GRM7: variants seen among roughly 807,000 people sequenced by gnomAD.
The protein encoded by GRM7 is glutamate metabotropic receptor 7.
GRM7 carries 35 observed loss-of-function variants against 84.5 expected under a neutral mutation model. The ratio of observed to expected loss-of-function variants is 0.41; its 90% CI spans 0.32 to 0.55. GRM7 has a LOEUF of 0.55. Ranked by LOEUF, GRM7 falls within the 20% of genes least tolerant of loss-of-function variation. GRM7 has a pLI of 0.19. For missense variants in GRM7, 1,003 were observed against 1,194.6 expected (o/e 0.84, Z 2.36); for synonymous variants, 487 against 455.1 (o/e 1.07, Z -0.89).
At chr3:7,673,846 A>G (rs553030722) in intron 8 of GRM7, among the ~76,000 whole-genome samples, 3 of 152,348 alleles carry the variant, frequency 2.0e-5, no homozygotes, top group South Asian at 4.1e-4. Context: ...GTTTACAAAC[A>G]TGAACTTTGT....
intron 9 of GRM7, among the ~76,000 whole-genome samples, chr3:7,709,529 T>C (rs1416165677): frequency 6.6e-6 from 1 of 152,082 alleles, no homozygotes; most frequent in Admixed American, 6.5e-5. Context: ...ATACAGAAAG[T>C]GGAGCCTCAG....
intron 9 of GRM7, among the ~76,000 whole-genome samples, chr3:7,724,773 C>T (rs1046929682): frequency 1.3e-5 from 2 of 152,048 alleles, no homozygotes; most frequent in African/African-American, 4.8e-5. Context: ...CTTTTTGTTT[C>T]TTTAGAGACA....
At position 7,072,653 on chromosome 3, in the gene GRM7, C is replaced by T. The variant is rs74317613; in HGVS notation, c.520-73799C>T. ...GTGAGCCGTTGAACACACCACTGCA[C>T]TCCACACTGTGAGACAGACTGAGAC... is the stretch of plus-strand genomic sequence containing the variant. On this transcript the variant is annotated intron_variant, in intron 1 of 9. Coordinates refer to ENST00000357716, the MANE Select transcript of GRM7 (RefSeq NM_000844.4). Among the ~76,000 whole-genome samples, 873 of 151,896 alleles carry T rather than the reference C, an allele frequency of 5.7e-3. 20 individuals are homozygous for T. The highest frequency in any genetic ancestry group is 0.044 in the East Asian group (226 of 5,134).
At chr3:7,411,454 C>T (rs184204799) in intron 4 of GRM7, among the ~76,000 whole-genome samples, 1 of 152,158 alleles carries the variant, frequency 6.6e-6, no homozygotes, top group Non-Finnish European at 1.5e-5. Context: ...ATGTCTGTCT[C>T]CTCTCTTGTA....
At chr3:6,963,326 A>G (rs1012573976) in intron 1 of GRM7, among the ~76,000 whole-genome samples, 3 of 152,238 alleles carry the variant, frequency 2.0e-5, no homozygotes, top group Non-Finnish European at 4.4e-5. Flanking sequence ...TATCTACTAT[A>G]TAATTAAGAA....
chr3:7,397,994 C>T (rs946766057), intron 4 of GRM7, among the ~76,000 whole-genome samples: 5 of 151,946 alleles, frequency 3.3e-5, no homozygotes, highest in African/African-American at 9.7e-5. Flanking sequence ...GTGATATAAA[C>T]GAAACACCAA....
chr3:6,915,552 C>T (rs1337860838), intron 1 of GRM7, among the ~76,000 whole-genome samples: 5 of 152,160 alleles, frequency 3.3e-5, no homozygotes, highest in South Asian at 2.1e-4. Flanking sequence ...TAACAAAAAT[C>T]GCTTGGTTCT....
chr3:7,205,397 C>T (rs538166430), intron 2 of GRM7, among the ~76,000 whole-genome samples: 36 of 152,238 alleles, frequency 2.4e-4, no homozygotes, highest in African/African-American at 6.7e-4. Flanking sequence ...CTCAGTCAAC[C>T]GAGTAACATA....
intron 1 of GRM7, among the ~76,000 whole-genome samples, chr3:7,039,745 T>G (rs1696522400): frequency 6.6e-6 from 1 of 152,054 alleles, no homozygotes; most frequent in South Asian, 2.1e-4. Flanking sequence ...ATCCCTAGAT[T>G]AGTGAGACTC....
chr3:7,371,317 T>C (rs1160214699), intron 4 of GRM7, among the ~76,000 whole-genome samples: 2 of 152,146 alleles, frequency 1.3e-5, no homozygotes, highest in East Asian at 3.9e-4. Flanking sequence ...CAGACTACAC[T>C]TAGAAAGCAC....
At chr3:6,886,414 T>C (rs1033725877) in intron 1 of GRM7, among the ~76,000 whole-genome samples, 91 of 152,202 alleles carry the variant, frequency 6.0e-4, no homozygotes, top group Middle Eastern at 3.4e-3. Context: ...TTGATGGGTG[T>C]AGCAAACTAA....
intron 3 of GRM7, among the ~76,000 whole-genome samples, chr3:7,303,917 G>A (rs1472672814): frequency 1.4e-5 from 2 of 147,822 alleles, no homozygotes; most frequent in African/African-American, 2.5e-5. Context: ...TTTTGCTGGA[G>A]CATATCCTGT....
At position 7,638,663 on chromosome 3, in the gene GRM7, C is replaced by T. The variant is rs539565371; in HGVS notation, c.2452-41386C>T. Among the ~76,000 whole-genome samples the T allele has an allele frequency of 1.1e-4, 16 of 152,326 alleles. No individual in the cohort carries two copies. The South Asian group carries it at 2.5e-3, about 24-fold the overall frequency. On this transcript the variant is annotated intron_variant, in intron 8 of 9. Coordinates refer to ENST00000357716, the MANE Select transcript of GRM7 (RefSeq NM_000844.4). ...CATGAGTTTGGGCTGTTGCCATAATCCAAATGGAAGGCCATTTCAGGGTAT... is the reference window on the plus strand; with the variant it reads ...CATGAGTTTGGGCTGTTGCCATAATTCAAATGGAAGGCCATTTCAGGGTAT...
At chr3:7,386,901 C>A (rs1694807463) in intron 4 of GRM7, among the ~76,000 whole-genome samples, 1 of 152,142 alleles carries the variant, frequency 6.6e-6, no homozygotes, top group African/African-American at 2.4e-5. Context: ...CGTAAGTGTT[C>A]CCTTTTCTCT....
intron 7 of GRM7, among the ~76,000 whole-genome samples, chr3:7,515,187 A>T (rs529013270): frequency 6.0e-5 from 9 of 148,924 alleles, no homozygotes; most frequent in South Asian, 4.3e-4. Flanking sequence ...TTAAAACACA[A>T]GTGCAGTGTT....
intron 4 of GRM7, among the ~76,000 whole-genome samples, chr3:7,395,390 T>C (rs1559291754): frequency 1.3e-5 from 2 of 152,180 alleles, no homozygotes; most frequent in African/African-American, 4.8e-5. Context: ...ATTACTAATT[T>C]GCTTTTCCAA....
chr3:7,012,747 G>A (rs1055322610), intron 1 of GRM7, among the ~76,000 whole-genome samples: 1 of 152,118 alleles, frequency 6.6e-6, no homozygotes, highest in Non-Finnish European at 1.5e-5. Flanking sequence ...GTTTATTTGT[G>A]TGTTTGTTTA....
chr3:7,364,186 C>A (rs1693782279), intron 4 of GRM7, among the ~76,000 whole-genome samples: 1 of 151,626 alleles, frequency 6.6e-6, no homozygotes, highest in Non-Finnish European at 1.5e-5. Context: ...AAAAGAATTT[C>A]CTTGTTAGAT....
chr3:7,340,197 G>A (rs1701584616), intron 4 of GRM7, among the ~76,000 whole-genome samples: 1 of 152,036 alleles, frequency 6.6e-6, no homozygotes, highest in African/African-American at 2.4e-5. Flanking sequence ...ATGGTGTCCG[G>A]GGTCAGTGTG....
Sources: allele counts gnomAD v4.1 joint callset (sites outside exome capture counted in the v4.1 genomes callset), GRCh38; gene constraint gnomAD v4.1.1; transcripts MANE v1.5; gene names NCBI Gene and HGNC (gene_info 2026-07-23, HGNC 2026-07-21).